The following LRGUK variants were observed in gnomAD, a reference collection of about 807,000 sequenced individuals.
LRGUK encodes leucine rich repeats and guanylate kinase domain containing, also known as leucine-rich repeat and guanylate kinase domain-containing protein.
Under a neutral mutation model 76.0 loss-of-function variants are expected in LRGUK, and 65 were observed. That is an observed-to-expected ratio of 0.85 (90% CI 0.70 to 1.05). The LOEUF (loss-of-function observed/expected upper bound fraction) is 1.05, where lower values mean the gene tolerates loss of function less well. LRGUK is among the 50% of genes least tolerant of loss of function. LRGUK has a pLI of 0.00. For missense variants in LRGUK, 758 were observed against 732.8 expected (o/e 1.03, Z -0.40); for synonymous variants, 268 against 265.6 (o/e 1.01, Z -0.09).
At chr7:134,192,567 A>G (rs772033540) in intron 12 of LRGUK, among the ~76,000 whole-genome samples, 3 of 152,194 alleles carry the variant, frequency 2.0e-5, no homozygotes, top group Non-Finnish European at 4.4e-5. Context: ...AACAACTTAT[A>G]TGTTCCTTCT....
At chr7:134,127,774 C>CA in intron 1 of LRGUK, 110 bp downstream of exon 1, 1 of 1,269,294 alleles carries the variant, frequency 7.9e-7, no homozygotes, top group Non-Finnish European at 1.1e-6. Context: ...CACACCTTCT[C>CA]AGGCTCTCTC....
At chr7:134,171,911 C>G (rs1269564485) in intron 7 of LRGUK, among the ~76,000 whole-genome samples, 1 of 152,134 alleles carries the variant, frequency 6.6e-6, no homozygotes, top group Admixed American at 6.6e-5. Flanking sequence ...CAAGCAGTAT[C>G]TGTGGCACTT....
In LRGUK at chr7:134,178,487, T is replaced by C; in HGVS notation, c.1108-16T>C. The C allele has an allele frequency of 6.3e-7, 1 of 1,586,040 alleles. No homozygotes were observed. Among genetic ancestry groups the C allele is most frequent in the Non-Finnish European group, 8.6e-7 (1 of 1,165,178 alleles). ...CAAAACTTTTTTTCCCTTTTACATC[T>C]CTAATTCTGGAAAAGGTTTCAGCAG... is the stretch of plus-strand genomic sequence containing the variant. On this transcript the variant is annotated splice_polypyrimidine_tract_variant and intron_variant, in intron 9 of 15. Coordinates refer to ENST00000645682, the Ensembl canonical transcript of LRGUK.
At chr7:134,144,159 A>G (rs1164601875) in intron 4 of LRGUK, among the ~76,000 whole-genome samples, 1 of 152,126 alleles carries the variant, frequency 6.6e-6, no homozygotes, top group African/African-American at 2.4e-5. Flanking sequence ...TCCTGGGCTC[A>G]AGTGATCCTG....
intron 7 of LRGUK, among the ~76,000 whole-genome samples, chr7:134,172,757 G>A (rs1477899688): frequency 6.6e-6 from 1 of 152,092 alleles, no homozygotes; most frequent in Non-Finnish European, 1.5e-5. Flanking sequence ...CGAGGTGGGT[G>A]GATTGCTTGA....
chr7:134,151,630 C>T (rs1267870879), intron 5 of LRGUK, among the ~76,000 whole-genome samples: 5 of 151,888 alleles, frequency 3.3e-5, no homozygotes, highest in Non-Finnish European at 2.9e-5. Context: ...CTGTAAAAGT[C>T]CTAAACAAAA....
chr7:134,143,113 A>G lies in LRGUK; in HGVS notation c.539A>G (p.Gln180Arg), dbSNP rs765973326. The G allele has an allele frequency of 2.5e-6, 4 of 1,611,246 alleles. No homozygotes were observed. The South Asian group carries it at 4.4e-5, about 18-fold the overall frequency. ...TATCTCCTAGAACTTAATGCTTCTC[A>G]AAATAATTTGACTACGTTCTTCAAT... The change falls in exon 4 of 16, where the codon CAA becomes CGA. Residue 180 changes from glutamine to arginine, a missense_variant. Gln to Arg is a conservative substitution (Grantham distance 43, BLOSUM62 1). Coordinates refer to ENST00000645682, the Ensembl canonical transcript of LRGUK.
chr7:134,168,324 C>T (rs1799079575), intron 7 of LRGUK, among the ~76,000 whole-genome samples: 4 of 152,114 alleles, frequency 2.6e-5, no homozygotes, highest in Admixed American at 1.3e-4. Flanking sequence ...ATTATCACAC[C>T]ACTGCACTAT....
At chr7:134,199,979 CTTTTAT>C (rs1800682614) in intron 14 of LRGUK, among the ~76,000 whole-genome samples, 2 of 54,866 alleles carry the variant, frequency 3.6e-5, no homozygotes, top group Non-Finnish European at 6.9e-5. Context: ...ATTCTAGAAA[CTTTTAT>C]ATATATATAT....
intron 16 of LRGUK, among the ~76,000 whole-genome samples, chr7:134,239,195 G>A (rs1802077240): frequency 6.6e-6 from 1 of 152,182 alleles, no homozygotes; most frequent in African/African-American, 2.4e-5. Context: ...GAGGTACCAG[G>A]TTCATCTTGC....
At chr7:134,148,189 A>G in intron 4 of LRGUK, 49 bp from the exon 5 acceptor site, 1 of 1,195,618 alleles carries the variant, frequency 8.4e-7, no homozygotes, top group Non-Finnish European at 1.2e-6. Context: ...TGTGGCAAAC[A>G]TGAAAAATGA....
exon 20 of LRGUK, chr7:134,264,061 G>A: frequency 1.5e-6 from 2 of 1,373,398 alleles, no homozygotes; most frequent in Non-Finnish European, 9.7e-7. Context: ...GGGTCCAGCT[G>A]TTTCTCACTC....
At chr7:134,257,929 C>A (rs940571537) in intron 18 of LRGUK, among the ~76,000 whole-genome samples, 2 of 152,176 alleles carry the variant, frequency 1.3e-5, no homozygotes, top group Non-Finnish European at 2.9e-5. Flanking sequence ...ATTCTAAAAT[C>A]CTGGAGATTA....
At chr7:134,264,514 A>C (rs1802820508) in exon 20 of LRGUK, 1 of 152,218 alleles carries the variant, frequency 6.6e-6, no homozygotes, top group East Asian at 1.9e-4. Context: ...TGCATCTCTC[A>C]AAAGGAATTA....
exon 7 of LRGUK, chr7:134,163,517 G>T (rs747455238): frequency 1.9e-6 from 3 of 1,613,302 alleles, no homozygotes; most frequent in East Asian, 4.5e-5. Context: ...CCTCCTGGAA[G>T]TGATCAACCT....
chr7:134,231,517 T>C (rs1801890511), intron 16 of LRGUK, among the ~76,000 whole-genome samples: 1 of 149,716 alleles, frequency 6.7e-6, no homozygotes, highest in African/African-American at 2.5e-5. Context: ...CCTTCCTTCC[T>C]CCCTTCCTTC....
chr7:134,177,141 G>A (rs571802122), intron 9 of LRGUK, 78 bp downstream of exon 9: 348 of 787,988 alleles, frequency 4.4e-4, no homozygotes, highest in Non-Finnish European at 6.4e-4. Flanking sequence ...TGCTGTGGAA[G>A]CAATATAATC....
chr7:134,266,260 T>C (rs34782408), downstream of LRGUK, among the ~76,000 whole-genome samples: 14,630 of 152,142 alleles, frequency 0.096, 1,809 homozygotes, highest in African/African-American at 0.28. Flanking sequence ...TAGGAAAATG[T>C]CAACTTGGAT....
At chr7:134,267,897 C>G (rs1235454065), downstream of LRGUK, among the ~76,000 whole-genome samples, 1 of 151,146 alleles carries the variant, frequency 6.6e-6, no homozygotes, top group Non-Finnish European at 1.5e-5. Context: ...TGTAACGAAC[C>G]TGCACAAGTA....
Sources: allele counts gnomAD v4.1 joint callset (sites outside exome capture counted in the v4.1 genomes callset), GRCh38; gene constraint gnomAD v4.1.1; transcripts MANE v1.5; gene names NCBI Gene and HGNC (gene_info 2026-07-23, HGNC 2026-07-21).